The following HEMK2 variants were observed in gnomAD, a reference collection of about 807,000 sequenced individuals.
HEMK2 encodes the protein methyltransferase HEMK2.
the HEMK2 span, among the ~76,000 whole-genome samples, chr21:28,786,017 C>A: frequency 6.6e-6 from 1 of 152,188 alleles, no homozygotes; most frequent in East Asian, 1.9e-4. Flanking sequence ...TTGCTGCACC[C>A]ATCTACCTCT....
At chr21:28,723,830 C>T in the HEMK2 span, among the ~76,000 whole-genome samples, 1 of 152,178 alleles carries the variant, frequency 6.6e-6, no homozygotes, top group Non-Finnish European at 1.5e-5. Flanking sequence ...CCAGCTCAGA[C>T]ATGCTATGAA....
At chr21:28,883,548 C>CCTG in the HEMK2 span, among the ~76,000 whole-genome samples, 71,814 of 151,904 alleles carry the variant, frequency 0.47, 19,824 homozygotes, top group Non-Finnish European at 0.62. Context: ...ATTAAAAGGT[C>CCTG]CCCCAATAAT....
the HEMK2 span, among the ~76,000 whole-genome samples, chr21:28,750,005 T>C: frequency 1.3e-5 from 2 of 152,240 alleles, no homozygotes; most frequent in Non-Finnish European, 2.9e-5. Flanking sequence ...ACCAATCTAA[T>C]TGAACAGGCC....
chr21:28,672,442 G>A, the HEMK2 span, among the ~76,000 whole-genome samples: 5 of 152,078 alleles, frequency 3.3e-5, no homozygotes, highest in Admixed American at 1.3e-4. Flanking sequence ...AAAGACTCTT[G>A]AGGTGAATCC....
chr21:28,726,706 G>A, the HEMK2 span, among the ~76,000 whole-genome samples: 8 of 151,948 alleles, frequency 5.3e-5, no homozygotes, highest in Non-Finnish European at 8.8e-5. Context: ...TCAGGAGTTC[G>A]AGACCAGCCT....
chr21:28,750,948 C>A, the HEMK2 span, among the ~76,000 whole-genome samples: 1 of 152,034 alleles, frequency 6.6e-6, no homozygotes, highest in Non-Finnish European at 1.5e-5. Flanking sequence ...TACATTAGTT[C>A]GGCCAGGTGC....
At chr21:28,635,786 T>G in the HEMK2 span, among the ~76,000 whole-genome samples, 1 of 152,086 alleles carries the variant, frequency 6.6e-6, no homozygotes, top group Admixed American at 6.5e-5. Flanking sequence ...CTTTCAGTGC[T>G]GTCTAATAGA....
chr21:28,795,131 T>C, the HEMK2 span, among the ~76,000 whole-genome samples: 1 of 152,238 alleles, frequency 6.6e-6, no homozygotes, highest in Admixed American at 6.5e-5. Context: ...ATTAATTCCA[T>C]TATTTTTTGT....
the HEMK2 span, among the ~76,000 whole-genome samples, chr21:28,791,580 G>A: frequency 1.3e-5 from 2 of 152,150 alleles, no homozygotes; most frequent in African/African-American, 4.8e-5. Flanking sequence ...AAAAGTTAAT[G>A]TTTAATAGAA....
the HEMK2 span, among the ~76,000 whole-genome samples, chr21:28,692,072 A>G: frequency 6.6e-5 from 10 of 152,226 alleles, no homozygotes; most frequent in Non-Finnish European, 1.5e-5. Context: ...CCAGAATGGT[A>G]AAGTGCAGTT....
the HEMK2 span, among the ~76,000 whole-genome samples, chr21:28,579,100 G>C: frequency 6.6e-6 from 1 of 152,096 alleles, no homozygotes; most frequent in African/African-American, 2.4e-5. Flanking sequence ...ACTCGGTAGG[G>C]GTAGAAATCG....
the HEMK2 span, chr21:28,885,359 G>A: frequency 6.5e-7 from 1 of 1,537,184 alleles, no homozygotes. Context: ...CCTTCGCTGC[G>A]TTCCATGCGC....
the HEMK2 span, among the ~76,000 whole-genome samples, chr21:28,580,019 T>C: frequency 6.6e-6 from 1 of 152,194 alleles, no homozygotes; most frequent in Non-Finnish European, 1.5e-5. Context: ...ATCACAATTC[T>C]GAATCTCTAA....
At chr21:28,673,503 T>A in the HEMK2 span, among the ~76,000 whole-genome samples, 1 of 130,454 alleles carries the variant, frequency 7.7e-6, no homozygotes, top group Non-Finnish European at 1.6e-5. Context: ...ACATATATGG[T>A]CATATGAATA....
chr21:28,677,205 T>G, the HEMK2 span, among the ~76,000 whole-genome samples: 1 of 152,200 alleles, frequency 6.6e-6, no homozygotes, highest in Non-Finnish European at 1.5e-5. Context: ...ACCCTAATAC[T>G]GTGCTTTTCC....
chr21:28,741,097 C>T, the HEMK2 span, among the ~76,000 whole-genome samples: 2 of 152,112 alleles, frequency 1.3e-5, no homozygotes, highest in Admixed American at 1.3e-4. Flanking sequence ...CAGCTCCAAA[C>T]CAAGCACAAT....
the HEMK2 span, among the ~76,000 whole-genome samples, chr21:28,735,983 C>T: frequency 1.1e-4 from 16 of 152,270 alleles, no homozygotes; most frequent in African/African-American, 3.6e-4. Context: ...CTACCCCATA[C>T]TAAAAACTAA....
the HEMK2 span, among the ~76,000 whole-genome samples, chr21:28,643,917 G>A: frequency 6.6e-6 from 1 of 152,194 alleles, no homozygotes; most frequent in Non-Finnish European, 1.5e-5. Flanking sequence ...ATGTTCTAAG[G>A]CTTCATCTTC....
the HEMK2 span, among the ~76,000 whole-genome samples, chr21:28,877,401 G>GA: frequency 6.4e-5 from 3 of 47,042 alleles, no homozygotes; most frequent in Admixed American, 1.8e-4. Context: ...AGGAAGGGAA[G>GA]AAAAAAAAGA....
Sources: gnomAD v4.1 joint callset for allele counts (sites outside exome capture counted in the v4.1 genomes callset) on GRCh38, gnomAD v4.1.1 for gene constraint, MANE v1.5 for transcripts, NCBI Gene and HGNC (gene_info 2026-07-23, HGNC 2026-07-21) for gene names.